Variants in SETD3 observed in about 807,000 individuals in gnomAD.
SETD3 encodes actin-histidine N-methyltransferase.
In SETD3, 19 loss-of-function variants were observed where a neutral mutation model predicts 63.0. That is an observed-to-expected ratio of 0.30 (90% CI 0.21 to 0.44). SETD3 has a LOEUF of 0.44. Ranked by LOEUF, SETD3 falls within the 20% of genes least tolerant of loss-of-function variation. SETD3 has a pLI of 1.00. For missense variants in SETD3, 587 were observed against 728.5 expected (o/e 0.81, Z 2.24); for synonymous variants, 286 against 264.1 (o/e 1.08, Z -0.80).
At chr14:99,412,482 G>C (rs1313774206) in intron 8 of SETD3, 1 of 153,576 alleles carries the variant, frequency 6.5e-6, no homozygotes, top group Non-Finnish European at 1.5e-5. Flanking sequence ...CAGGGGAAGG[G>C]ACCGGGGACA....
At chr14:99,445,240 C>A (rs1398792327) in intron 6 of SETD3, among the ~76,000 whole-genome samples, 3 of 152,212 alleles carry the variant, frequency 2.0e-5, no homozygotes, top group Non-Finnish European at 4.4e-5. Context: ...CTAACGGCAA[C>A]AGAATATACT....
At chr14:99,404,111 C>T in intron 11 of SETD3, 114 bp downstream of exon 11, 2 of 736,144 alleles carry the variant, frequency 2.7e-6, no homozygotes, top group Non-Finnish European at 4.3e-6. Flanking sequence ...TTCTCTCTTC[C>T]CAAAAGTACT....
At chr14:99,401,413 GCC>G (rs990583427) in intron 11 of SETD3, among the ~76,000 whole-genome samples, 2 of 152,156 alleles carry the variant, frequency 1.3e-5, no homozygotes, top group African/African-American at 4.8e-5. Context: ...AGAGCAAAAT[GCC>G]CCACAGCTGT....
intron 2 of SETD3, among the ~76,000 whole-genome samples, chr14:99,465,375 C>T (rs376649758): frequency 6.6e-6 from 1 of 152,242 alleles, no homozygotes; most frequent in Non-Finnish European, 1.5e-5. Context: ...GTTCAGTAAT[C>T]TGCCGAGCGG....
chr14:99,481,425 G>C (rs994818723), upstream of SETD3: 22 of 398,540 alleles, frequency 5.5e-5, no homozygotes, highest in African/African-American at 4.1e-4. Context: ...CCATATACAA[G>C]ATGGCCGCAG....
chr14:99,463,430 T>TAA, intron 3 of SETD3, 56 bp downstream of exon 3: 2 of 1,372,792 alleles, frequency 1.5e-6, no homozygotes, highest in Admixed American at 3.8e-5. Flanking sequence ...CCCTTTGACC[T>TAA]AATCAAGTTT....
At chr14:99,438,330 A>C (rs1293503425) in intron 6 of SETD3, among the ~76,000 whole-genome samples, 2 of 152,250 alleles carry the variant, frequency 1.3e-5, no homozygotes, top group Non-Finnish European at 2.9e-5. Flanking sequence ...TTCTGCATAC[A>C]AAAGGTTTCA....
At chr14:99,421,308 A>G (rs567492066) in intron 6 of SETD3, among the ~76,000 whole-genome samples, 1 of 152,052 alleles carries the variant, frequency 6.6e-6, no homozygotes, top group East Asian at 1.9e-4. Flanking sequence ...TATTATCACC[A>G]GTTTCATAAT....
intron 8 of SETD3, chr14:99,410,270 G>A (rs770207587): frequency 1.2e-5 from 20 of 1,611,888 alleles, no homozygotes; most frequent in Admixed American, 3.3e-5. Flanking sequence ...CGGAGGGTGT[G>A]GGGGGACAGG....
chr14:99,444,952 T>G (rs1894048261), intron 6 of SETD3, among the ~76,000 whole-genome samples: 1 of 152,200 alleles, frequency 6.6e-6, no homozygotes, highest in African/African-American at 2.4e-5. Context: ...TAAAGTTTTT[T>G]TAAAAAGGCC....
At chr14:99,475,978 T>C (rs564709340) in intron 1 of SETD3, among the ~76,000 whole-genome samples, 1 of 152,368 alleles carries the variant, frequency 6.6e-6, no homozygotes, top group East Asian at 1.9e-4. Context: ...CATGCTGTCA[T>C]GTTATTTCAG....
chr14:99,454,396 T>C (rs1894637454), intron 6 of SETD3, among the ~76,000 whole-genome samples: 1 of 152,056 alleles, frequency 6.6e-6, no homozygotes, highest in Non-Finnish European at 1.5e-5. Context: ...GACAGCAACT[T>C]TGAGCTTGTG....
chr14:99,415,554 T>C (rs1892246642), intron 6 of SETD3, among the ~76,000 whole-genome samples: 1 of 152,066 alleles, frequency 6.6e-6, no homozygotes, highest in Non-Finnish European at 1.5e-5. Context: ...ACACATTTCT[T>C]ACCCAACATA....
chr14:99,467,708 G>A (rs1477461044), intron 1 of SETD3, among the ~76,000 whole-genome samples: 3 of 152,168 alleles, frequency 2.0e-5, no homozygotes, highest in Admixed American at 6.5e-5. Context: ...GCCTGTAAAC[G>A]AGGCAAGAAC....
intron 1 of SETD3, among the ~76,000 whole-genome samples, chr14:99,470,246 G>A (rs540091415): frequency 6.6e-6 from 1 of 152,300 alleles, no homozygotes; most frequent in African/African-American, 2.4e-5. Flanking sequence ...GGAAACTCTA[G>A]ACTCTTCCAT....
intron 8 of SETD3, among the ~76,000 whole-genome samples, chr14:99,407,983 G>A (rs1891779233): frequency 6.6e-6 from 1 of 152,190 alleles, no homozygotes; most frequent in Non-Finnish European, 1.5e-5. Context: ...CTGTCTTTTA[G>A]AGCAGCGCCC....
intron 3 of SETD3, 36 bp downstream of exon 3, chr14:99,463,450 A>G (rs1346330470): frequency 1.3e-6 from 2 of 1,526,160 alleles, no homozygotes; most frequent in South Asian, 1.1e-5. Flanking sequence ...TCTACATGAC[A>G]TTATTAAAAT....
At chr14:99,437,860 T>G (rs191683673) in intron 6 of SETD3, among the ~76,000 whole-genome samples, 2 of 152,312 alleles carry the variant, frequency 1.3e-5, no homozygotes, top group East Asian at 3.9e-4. Context: ...TCACCTACAT[T>G]CACTTGAGGC....
upstream of SETD3, among the ~76,000 whole-genome samples, chr14:99,484,356 A>AC (rs1199904694): frequency 2.0e-5 from 3 of 151,932 alleles, no homozygotes; most frequent in African/African-American, 4.8e-5. Context: ...GTTAGTTACC[A>AC]CCCCCCTCCC....
Sources: allele counts gnomAD v4.1 joint callset (sites outside exome capture counted in the v4.1 genomes callset), GRCh38; gene constraint gnomAD v4.1.1; transcripts MANE v1.5; gene names NCBI Gene and HGNC (gene_info 2026-07-23, HGNC 2026-07-21).